The following ZMIZ1 variants were observed in gnomAD, a reference collection of about 807,000 sequenced individuals.
ZMIZ1 encodes zinc finger MIZ-type containing 1.
A neutral mutation model predicts 113.9 loss-of-function variants in ZMIZ1; 17 were observed. The observed-to-expected ratio is 0.15, with a 90% CI of 0.10 to 0.22. ZMIZ1 has a LOEUF of 0.22. Ranked by LOEUF, ZMIZ1 falls within the 10% of genes least tolerant of loss-of-function variation. ZMIZ1 has a pLI of 1.00. For synonymous variants in ZMIZ1, 607 were observed against 603.1 expected, an observed-to-expected ratio of 1.01 and a Z score of -0.09; for missense variants, 1,059 against 1,477.8, an observed-to-expected ratio of 0.72 and a Z score of 4.65.
intron 7 of ZMIZ1, among the ~76,000 whole-genome samples, chr10:79,225,221 ATC>A (rs1849154301): frequency 6.6e-6 from 1 of 152,166 alleles, no homozygotes; most frequent in Non-Finnish European, 1.5e-5. Context: ...CACCCCCATC[ATC>A]TCTGCTTTAT....
chr10:79,072,167 A>AG (rs1401666421), intron 1 of ZMIZ1, among the ~76,000 whole-genome samples: 1 of 152,140 alleles, frequency 6.6e-6, no homozygotes, highest in East Asian at 1.9e-4. Context: ...TCCTAAGCAA[A>AG]GGGGGGAGGA....
chr10:79,294,951 G>GC (rs1853781722), intron 12 of ZMIZ1: 1 of 141,820 alleles, frequency 7.1e-6, no homozygotes, highest in Admixed American at 7.0e-5. Flanking sequence ...GAGGGGGGGG[G>GC]GTCAGGGGCT....
intron 7 of ZMIZ1, among the ~76,000 whole-genome samples, chr10:79,276,029 C>T (rs1852266221): frequency 1.3e-5 from 2 of 152,226 alleles, no homozygotes; most frequent in South Asian, 4.1e-4. Flanking sequence ...TCGACTACTT[C>T]CATAACGCTC....
intron 4 of ZMIZ1, among the ~76,000 whole-genome samples, chr10:79,175,190 C>T (rs1846774556): frequency 6.6e-6 from 1 of 152,188 alleles, no homozygotes; most frequent in African/African-American, 2.4e-5. Flanking sequence ...GCAAGCCTTA[C>T]GCTAATTCAT....
chr10:79,173,281 A>AT (rs921531700), intron 4 of ZMIZ1, among the ~76,000 whole-genome samples: 21 of 151,912 alleles, frequency 1.4e-4, no homozygotes, highest in Admixed American at 8.5e-4. Context: ...ACATGATGAG[A>AT]TTTTTTTGCG....
chr10:79,281,806 G>A (rs1204613656), intron 8 of ZMIZ1, among the ~76,000 whole-genome samples: 3 of 152,366 alleles, frequency 2.0e-5, no homozygotes, highest in African/African-American at 4.8e-5. Flanking sequence ...TGGGCCCAGA[G>A]TAGGAAAGTG....
intron 7 of ZMIZ1, among the ~76,000 whole-genome samples, chr10:79,250,311 C>A (rs1181374056): frequency 1.3e-5 from 2 of 152,226 alleles, no homozygotes; most frequent in East Asian, 1.9e-4. Flanking sequence ...AGCTGGAGAC[C>A]TTGCTGTGCC....
intron 5 of ZMIZ1, among the ~76,000 whole-genome samples, chr10:79,206,219 A>T (rs935965659): frequency 1.3e-5 from 2 of 152,078 alleles, no homozygotes; most frequent in African/African-American, 4.8e-5. Flanking sequence ...AACGCTGGTG[A>T]GATACTGAAG....
At chr10:79,199,868 A>G (rs1486202544) in intron 4 of ZMIZ1, among the ~76,000 whole-genome samples, 1 of 152,226 alleles carries the variant, frequency 6.6e-6, no homozygotes, top group Non-Finnish European at 1.5e-5. Flanking sequence ...AAGCAATTGG[A>G]GGAGGAACAG....
chr10:79,299,245 G>A, intron 16 of ZMIZ1, 54 bp downstream of exon 16: 5 of 1,557,962 alleles, frequency 3.2e-6, no homozygotes, highest in Non-Finnish European at 4.3e-6. Context: ...GGTCCCCTGG[G>A]ATGGCTTCCT....
rs1398239905 is a variant in ZMIZ1, at chr10:79,155,799, C to G, written c.-130-6254C>G. Among the ~76,000 whole-genome samples, 9 of 152,382 alleles carry G rather than the reference C, an allele frequency of 5.9e-5. No homozygotes were observed. The East Asian group carries it at 1.7e-3, about 29-fold the overall frequency. Reference sequence around the variant, plus strand: ...ATGCCCTCTGCAGCTCTCTCTTCAGCCCAAAGCTCTTCTCCCTAAAAGCCT... The same window carrying G: ...ATGCCCTCTGCAGCTCTCTCTTCAGGCCAAAGCTCTTCTCCCTAAAAGCCT... On this transcript the variant is annotated intron_variant, in intron 3 of 24. Transcript: ENST00000334512.
At chr10:79,213,338 T>C (rs1848596620) in intron 6 of ZMIZ1, among the ~76,000 whole-genome samples, 1 of 152,178 alleles carries the variant, frequency 6.6e-6, no homozygotes, top group South Asian at 2.1e-4. Flanking sequence ...TGAGGCACTC[T>C]AGGGTTACAG....
Position 79,069,064 on chromosome 10 carries a change from G to A in ZMIZ1, c.-543G>A, listed in dbSNP as rs2132133629. ...CGCCGGGGAGAGCGGGCGGCCGGGC[G>A]GCAGGCGGGCGAGCAGCGATCGGGC... On this transcript the variant is annotated 5_prime_UTR_variant, in exon 1 of 25. Coordinates refer to ENST00000334512, the MANE Select transcript of ZMIZ1 (RefSeq NM_020338.4). The surrounding 1 kb of genome is among the most constrained non-coding windows in gnomAD (Gnocchi z 4.6). The A allele has an allele frequency of 6.6e-6, 1 of 151,410 alleles. No individual in the cohort carries two copies. The allele number at this position is 151,410 out of a possible 1,614,324, so 9.4% of individuals were successfully genotyped here.
intron 4 of ZMIZ1, among the ~76,000 whole-genome samples, chr10:79,172,911 C>G (rs185656697): frequency 2.0e-5 from 3 of 152,328 alleles, no homozygotes; most frequent in African/African-American, 7.2e-5. Flanking sequence ...TTTCTGCCAG[C>G]CTTTGGTGCC....
chr10:79,221,574 G>C (rs1049266235), intron 7 of ZMIZ1, among the ~76,000 whole-genome samples: 2 of 151,938 alleles, frequency 1.3e-5, no homozygotes, highest in African/African-American at 4.8e-5. Context: ...CAGCCCGAGG[G>C]GACTTGGCGG....
chr10:79,298,628 G>A, intron 15 of ZMIZ1, 48 bp downstream of exon 15: 1 of 1,535,664 alleles, frequency 6.5e-7, no homozygotes, highest in Non-Finnish European at 8.8e-7. Flanking sequence ...GGGCCCCCCA[G>A]TGGGCCGGGA....
chr10:79,215,938 G>A (rs60759230), intron 6 of ZMIZ1, among the ~76,000 whole-genome samples: 10,227 of 152,132 alleles, frequency 0.067, 823 homozygotes, highest in African/African-American at 0.19. Context: ...TGGACCCATC[G>A]TCAGCCTGGG....
intron 7 of ZMIZ1, among the ~76,000 whole-genome samples, chr10:79,244,792 G>C (rs1046829151): frequency 6.6e-6 from 1 of 152,184 alleles, no homozygotes; most frequent in Non-Finnish European, 1.5e-5. Context: ...GGAGTGAGTT[G>C]GGGTGAAAAG....
intron 7 of ZMIZ1, among the ~76,000 whole-genome samples, chr10:79,270,660 CTAGCA>C (rs1414608108): frequency 6.6e-6 from 1 of 152,216 alleles, no homozygotes; most frequent in Non-Finnish European, 1.5e-5. Flanking sequence ...GCTACAAAGA[CTAGCA>C]TAGGCAACAG....
Sources: allele counts gnomAD v4.1 joint callset (sites outside exome capture counted in the v4.1 genomes callset), GRCh38; gene constraint gnomAD v4.1.1; non-coding constraint Gnocchi (gnomAD v3.1); transcripts MANE v1.5; gene names NCBI Gene and HGNC (gene_info 2026-07-23, HGNC 2026-07-21).